Variants in SLC26A8 observed in about 807,000 individuals in gnomAD.
SLC26A8 encodes the protein testis anion transporter 1.
SLC26A8 carries 70 observed loss-of-function variants against 105.0 expected under a neutral mutation model. That is an observed-to-expected ratio of 0.67 (90% CI 0.55 to 0.81). The LOEUF is 0.81. Ranked by LOEUF, SLC26A8 falls within the 40% of genes least tolerant of loss-of-function variation. The pLI is 0.00. For missense variants in SLC26A8, 998 were observed against 1,181.8 expected, an observed-to-expected ratio of 0.84 and a Z score of 2.28; for synonymous variants, 415 against 438.3, an observed-to-expected ratio of 0.95 and a Z score of 0.66.
intron 2 of SLC26A8, among the ~76,000 whole-genome samples, chr6:36,016,130 A>G (rs556128029): frequency 4.0e-5 from 6 of 151,894 alleles, no homozygotes; most frequent in African/African-American, 1.5e-4. Context: ...GGTAGCTGGG[A>G]CTACAGCTGT....
At chr6:35,979,001 T>C (rs1773159856) in intron 8 of SLC26A8, among the ~76,000 whole-genome samples, 1 of 142,684 alleles carries the variant, frequency 7.0e-6, no homozygotes, top group Non-Finnish European at 1.5e-5. Context: ...CAACCACACC[T>C]GGCTAATTTT....
chr6:35,945,659 CT>C (rs1268059861), intron 19 of SLC26A8, among the ~76,000 whole-genome samples: 1 of 152,198 alleles, frequency 6.6e-6, no homozygotes, highest in African/African-American at 2.4e-5. Flanking sequence ...ACCACAGCTT[CT>C]TTTGTGTTCC....
intron 9 of SLC26A8, among the ~76,000 whole-genome samples, chr6:35,975,781 C>T (rs776177502): frequency 9.2e-5 from 14 of 151,734 alleles, no homozygotes; most frequent in African/African-American, 2.9e-4. Flanking sequence ...GGCATAGTGG[C>T]GCATGCCTGT....
At chr6:36,011,110 C>G (rs1204742667) in intron 3 of SLC26A8, among the ~76,000 whole-genome samples, 2 of 152,100 alleles carry the variant, frequency 1.3e-5, no homozygotes, top group African/African-American at 4.8e-5. Context: ...TAAAGACTAT[C>G]TGGGGAACTA....
chr6:36,001,555 A>G (rs1368517108), intron 3 of SLC26A8, among the ~76,000 whole-genome samples: 1 of 152,238 alleles, frequency 6.6e-6, no homozygotes, highest in Non-Finnish European at 1.5e-5. Context: ...ATTAGGTTGC[A>G]AAAAGACTTT....
At chr6:35,966,045 T>G (rs956538088) in intron 11 of SLC26A8, among the ~76,000 whole-genome samples, 20 of 151,472 alleles carry the variant, frequency 1.3e-4, no homozygotes, top group African/African-American at 4.9e-4. Context: ...ATGAAATTCC[T>G]GTATTGGTTT....
intron 13 of SLC26A8, 37 bp from the exon 14 acceptor site, chr6:35,960,949 G>T (rs1456179762): frequency 6.2e-7 from 1 of 1,613,680 alleles, no homozygotes; most frequent in Non-Finnish European, 8.5e-7. Context: ...GTCAGAGTTG[G>T]CTTACCTTGC....
intron 3 of SLC26A8, among the ~76,000 whole-genome samples, chr6:36,000,757 A>T (rs147247109): frequency 6.5e-4 from 99 of 152,282 alleles, no homozygotes; most frequent in African/African-American, 2.1e-3. Context: ...ACTCATCTAA[A>T]TTCAGTTATG....
At chr6:35,963,246 C>T (rs981279614) in intron 11 of SLC26A8, among the ~76,000 whole-genome samples, 5 of 152,096 alleles carry the variant, frequency 3.3e-5, no homozygotes, top group African/African-American at 1.2e-4. Context: ...ACAGGCCATC[C>T]GGAGGCAAAA....
At chr6:36,023,793 T>TA (rs1762188070) in intron 1 of SLC26A8, among the ~76,000 whole-genome samples, 3 of 152,114 alleles carry the variant, frequency 2.0e-5, no homozygotes, top group Non-Finnish European at 4.4e-5. Flanking sequence ...CCTAGGTTTT[T>TA]ATGGAGAATG....
intron 7 of SLC26A8, chr6:35,989,554 A>G (rs987964320): frequency 2.6e-5 from 4 of 152,202 alleles, no homozygotes; most frequent in African/African-American, 9.7e-5. Context: ...CAGTCAAAAG[A>G]ATTAGAATTG....
rs371359535 is a variant in SLC26A8, at chr6:35,975,459, G to A, written c.1203C>T (p.Val401=). ...QDLIAIGLCN[V]VSSFFRSCVF... ...CACAAGATCTGAAAAATGAACTGAC[G>A]ACATTGCAAAGGCCGATGGCTATTA... The change falls in exon 10 of 20, where the codon GTC becomes GTT. Residue 401 remains valine, a synonymous_variant. Coordinates refer to ENST00000490799, the MANE Select transcript of SLC26A8 (RefSeq NM_052961.4). 9.9e-6 allele frequency: 16 copies of A among 1,612,812 alleles called. No individual in the cohort carries two copies. The East Asian group carries it at 1.6e-4, about 16-fold the overall frequency.
chr6:35,979,314 A>G (rs1773178113), intron 8 of SLC26A8, among the ~76,000 whole-genome samples: 1 of 151,928 alleles, frequency 6.6e-6, no homozygotes, highest in Non-Finnish European at 1.5e-5. Context: ...CATCGCTACT[A>G]AAAATACAAA....
intron 1 of SLC26A8, among the ~76,000 whole-genome samples, chr6:36,024,047 G>A (rs1396694049): frequency 6.6e-6 from 1 of 150,916 alleles, no homozygotes; most frequent in African/African-American, 2.4e-5. Context: ...CACATCAACG[G>A]CATTTGACAT....
At chr6:35,976,549 G>GGTTTTTTTTTT (rs1773037656) in intron 9 of SLC26A8, among the ~76,000 whole-genome samples, 1 of 139,828 alleles carries the variant, frequency 7.2e-6, no homozygotes, top group African/African-American at 2.9e-5. Context: ...AGAAGCCCTC[G>GGTTTTTTTTTT]CTTTTTTTTT....
At position 35,991,752 on chromosome 6, in the gene SLC26A8, T is replaced by C; in HGVS notation, c.849A>G (p.Val283=). 2.5e-6 allele frequency: 4 copies of C among 1,607,318 alleles called. No homozygotes were observed. Among genetic ancestry groups the C allele is most frequent in the Non-Finnish European group, 3.4e-6 (4 of 1,177,714 alleles). The stretch of plus-strand genomic sequence containing the variant: ...GCAGAGCAACAACAACAGTTAGAAA[T>C]ACTAGAATGCTGGTGGAATTCGCTT... ...LPKANSTSIL[V]FLTVVVALRI... Residue 283 remains valine, a synonymous_variant, in exon 7 of 20, where the codon GTA becomes GTG. Coordinates refer to ENST00000490799, the MANE Select transcript of SLC26A8 (RefSeq NM_052961.4).
intron 1 of SLC26A8, 34 bp from the exon 2 acceptor site, chr6:36,019,743 A>G (rs1227889266): frequency 8.3e-6 from 13 of 1,558,282 alleles, no homozygotes; most frequent in Non-Finnish European, 1.1e-5. Flanking sequence ...ATAAAAGAGC[A>G]TTTTCAGTAA....
At chr6:35,987,584 G>T (rs969357146) in intron 7 of SLC26A8, among the ~76,000 whole-genome samples, 3 of 152,120 alleles carry the variant, frequency 2.0e-5, no homozygotes, top group African/African-American at 7.2e-5. Context: ...ATTTAGCCAG[G>T]ATGGTCTCAA....
intron 2 of SLC26A8, among the ~76,000 whole-genome samples, chr6:36,013,798 AC>A (rs1373832107): frequency 1.3e-5 from 2 of 152,220 alleles, no homozygotes; most frequent in Non-Finnish European, 2.9e-5. Context: ...TATAACTTTA[AC>A]GTAGTCAGGG....
Sources: gnomAD v4.1 joint callset for allele counts (sites outside exome capture counted in the v4.1 genomes callset) on GRCh38, gnomAD v4.1.1 for gene constraint, MANE v1.5 for transcripts, NCBI Gene and HGNC (gene_info 2026-07-23, HGNC 2026-07-21) for gene names.